Variants in CCDC7 observed in about 807,000 individuals in gnomAD.
The protein encoded by CCDC7 is coiled-coil domain-containing protein 7.
CCDC7 carries 183 observed loss-of-function variants against 196.9 expected under a neutral mutation model. The ratio of observed to expected loss-of-function variants is 0.93; its 90% CI spans 0.82 to 1.05. The LOEUF is 1.05. Ranked by LOEUF, CCDC7 falls within the 50% of genes least tolerant of loss-of-function variation. CCDC7 has a pLI of 0.00. For missense variants in CCDC7, 1,540 were observed against 1,482.2 expected (o/e 1.04, Z -0.64); for synonymous variants, 525 against 484.6 (o/e 1.08, Z -1.10).
intron 13 of CCDC7, among the ~76,000 whole-genome samples, chr10:32,564,724 G>A (rs768426237): frequency 1.3e-5 from 2 of 151,924 alleles, no homozygotes; most frequent in Non-Finnish European, 2.9e-5. Flanking sequence ...AATGGGTGCA[G>A]CACACCAGCA....
chr10:32,702,880 C>G (rs1395900596), intron 24 of CCDC7, among the ~76,000 whole-genome samples: 1 of 152,172 alleles, frequency 6.6e-6, no homozygotes, highest in Non-Finnish European at 1.5e-5. Context: ...AGATCTTCCT[C>G]CATCCCTTTA....
intron 20 of CCDC7, among the ~76,000 whole-genome samples, chr10:32,661,829 T>C (rs780171570): frequency 1.3e-5 from 2 of 152,206 alleles, no homozygotes; most frequent in Non-Finnish European, 2.9e-5. Context: ...TGAGTTGCAC[T>C]GCCTGGGTTT....
chr10:32,809,053 C>A (rs573072231), intron 30 of CCDC7, among the ~76,000 whole-genome samples: 1 of 152,274 alleles, frequency 6.6e-6, no homozygotes, highest in South Asian at 2.1e-4. Flanking sequence ...CCCTATCCAA[C>A]CAACATCATA....
intron 1 of CCDC7, among the ~76,000 whole-genome samples, chr10:32,452,825 C>T (rs1293526742): frequency 2.6e-5 from 4 of 152,136 alleles, no homozygotes; most frequent in East Asian, 1.9e-4. Context: ...CACTGCAATC[C>T]AGAATTGAAT....
At chr10:32,451,991 G>A in intron 1 of CCDC7, 70 bp downstream of exon 2, 2 of 1,498,062 alleles carry the variant, frequency 1.3e-6, no homozygotes, top group Non-Finnish European at 1.8e-6. Context: ...TGTGCTAGGA[G>A]GACTCACATG....
At chr10:32,593,919 G>C (rs577801408) in intron 18 of CCDC7, among the ~76,000 whole-genome samples, 3 of 152,018 alleles carry the variant, frequency 2.0e-5, no homozygotes, top group African/African-American at 7.3e-5. Context: ...TCTCTCTTTT[G>C]GTACCTGTAC....
chr10:32,689,632 T>C (rs529646435), intron 23 of CCDC7, among the ~76,000 whole-genome samples: 1 of 152,222 alleles, frequency 6.6e-6, no homozygotes, highest in African/African-American at 2.4e-5. Context: ...CCCACTGAAA[T>C]GAAACAGAAT....
intron 9 of CCDC7, among the ~76,000 whole-genome samples, chr10:32,510,432 A>T (rs904488627): frequency 2.0e-5 from 3 of 152,116 alleles, no homozygotes; most frequent in African/African-American, 7.2e-5. Flanking sequence ...TGTTTTGTTA[A>T]TTTTTCTTAA....
At chr10:32,729,261 A>G (rs2083559561) in intron 27 of CCDC7, 71 bp from the exon 29 acceptor site, 1 of 1,387,062 alleles carries the variant, frequency 7.2e-7, no homozygotes, top group Non-Finnish European at 9.8e-7. Flanking sequence ...TTTTACTTCC[A>G]TGGGTTGAAA....
At chr10:32,807,492 T>A (rs2086085915) in intron 30 of CCDC7, among the ~76,000 whole-genome samples, 1 of 151,928 alleles carries the variant, frequency 6.6e-6, no homozygotes, top group Non-Finnish European at 1.5e-5. Context: ...GAATTGATAA[T>A]CATATTTCAA....
intron 18 of CCDC7, among the ~76,000 whole-genome samples, chr10:32,633,730 GTA>G (rs1209853817): frequency 8.2e-4 from 80 of 97,888 alleles, no homozygotes; most frequent in South Asian, 2.3e-3. Flanking sequence ...GTGTGTGTGT[GTA>G]TATATATGTG....
chr10:32,509,328 G>T (rs181305027), intron 9 of CCDC7, among the ~76,000 whole-genome samples: 1 of 152,116 alleles, frequency 6.6e-6, no homozygotes, highest in Admixed American at 6.5e-5. Flanking sequence ...TCCAACAAAT[G>T]ATACTGGGAA....
intron 6 of CCDC7, among the ~76,000 whole-genome samples, chr10:32,471,643 C>G (rs1461936561): frequency 6.6e-6 from 1 of 152,040 alleles, no homozygotes; most frequent in Non-Finnish European, 1.5e-5. Context: ...TCATGAACAC[C>G]TTCATTAATT....
At chr10:32,458,376 T>C (rs117955250) in intron 3 of CCDC7, among the ~76,000 whole-genome samples, 6,289 of 152,118 alleles carry the variant, frequency 0.041, 139 homozygotes, top group Middle Eastern at 0.051. Context: ...TTGGGTTCCA[T>C]TGGTCTGTGT....
At chr10:32,590,260 G>A (rs1333403984) in intron 18 of CCDC7, among the ~76,000 whole-genome samples, 2 of 151,808 alleles carry the variant, frequency 1.3e-5, no homozygotes, top group Admixed American at 1.3e-4. Flanking sequence ...GTTACCATGA[G>A]GCTTGCAAAT....
intron 28 of CCDC7, among the ~76,000 whole-genome samples, chr10:32,765,538 G>A (rs2078147709): frequency 1.3e-5 from 2 of 151,956 alleles, no homozygotes; most frequent in Admixed American, 1.3e-4. Flanking sequence ...GGACCATTAT[G>A]GTAGAAGAGG....
At chr10:32,806,260 G>A (rs1004491106) in intron 30 of CCDC7, among the ~76,000 whole-genome samples, 1 of 151,948 alleles carries the variant, frequency 6.6e-6, no homozygotes, top group Admixed American at 6.6e-5. Flanking sequence ...AGAAAGAAGA[G>A]GAAAAGAATC....
chr10:32,846,009 C>T (rs758429680), intron 36 of CCDC7, 50 bp downstream of exon 37: 1 of 1,353,004 alleles, frequency 7.4e-7, no homozygotes, highest in Admixed American at 1.8e-5. Context: ...TTTATATTCC[C>T]TGAGTTAAAT....
intron 16 of CCDC7, among the ~76,000 whole-genome samples, chr10:32,580,487 A>G (rs2058634073): frequency 1.3e-5 from 2 of 152,126 alleles, no homozygotes; most frequent in Admixed American, 6.6e-5. Context: ...TGTAAAAACT[A>G]TCAAAATATT....
Sources: allele counts gnomAD v4.1 joint callset (sites outside exome capture counted in the v4.1 genomes callset), GRCh38; gene constraint gnomAD v4.1.1; transcripts MANE v1.5; gene names NCBI Gene and HGNC (gene_info 2026-07-23, HGNC 2026-07-21).